Variants in SLC25A30 observed in about 807,000 individuals in gnomAD.
SLC25A30 encodes the protein solute carrier family 25 member 30, also known as kidney mitochondrial carrier protein 1.
A neutral mutation model predicts 42.7 loss-of-function variants in SLC25A30; 29 were observed. The ratio of observed to expected loss-of-function variants is 0.68; its 90% CI spans 0.51 to 0.93. The LOEUF (loss-of-function observed/expected upper bound fraction) is 0.93. Among genes scored for constraint, SLC25A30 ranks in the 40% least tolerant of loss-of-function variants. The pLI is 0.00. For synonymous variants in SLC25A30, 124 were observed against 131.0 expected (o/e 0.95, Z 0.37); for missense variants, 300 against 359.7 (o/e 0.83, Z 1.34).
At chr13:45,427,809 T>C in the SLC25A30 span, among the ~76,000 whole-genome samples, 5 of 143,240 alleles carry the variant, frequency 3.5e-5, no homozygotes, top group Admixed American at 2.1e-4. Context: ...AGTGGTGCCA[T>C]CTCGGCTCAC....
At chr13:45,411,683 T>C (rs1172102015) in intron 1 of SLC25A30, 1 of 480,350 alleles carries the variant, frequency 2.1e-6, no homozygotes, top group South Asian at 2.1e-5. Context: ...ACTTTATCAG[T>C]GATCTTAATT....
chr13:45,404,444 A>C lies in SLC25A30; in HGVS notation c.308-32T>G, dbSNP rs74481952. On this transcript the variant is annotated intron_variant, in intron 4 of 9. Coordinates refer to ENST00000519676, the MANE Select transcript of SLC25A30 (RefSeq NM_001010875.4). ...ACAATGACACATTATTTGACTCTAC[A>C]TATTTAGAGTTCTTCCCGTGAGAAA... The C allele has an allele frequency of 1.4e-4, 205 of 1,485,738 alleles. No homozygotes were observed. In the African/African-American group the frequency reaches 2.3e-3, roughly 17 times the overall value. 92.0% of individuals were successfully genotyped at this position (1,485,738 alleles called of 1,614,324 possible).
chr13:45,394,470 G>A lies in SLC25A30; in HGVS notation c.*1504C>T, dbSNP rs1881171155. 3 of 985,390 alleles carry A rather than the reference G, an allele frequency of 3.0e-6. No homozygotes were observed. Among genetic ancestry groups the A allele is most frequent in the Non-Finnish European group, 3.6e-6 (3 of 829,946 alleles). The allele number at this position is 985,390 out of a possible 1,614,324, so 61.0% of individuals were successfully genotyped here. ...GAATTTGGCCGCACTACTGTGGAAGGAGAATGCCCTGGAGCCCCAGCTAAC... is the reference window on the plus strand; with the variant it reads ...GAATTTGGCCGCACTACTGTGGAAGAAGAATGCCCTGGAGCCCCAGCTAAC... On this transcript the variant is annotated 3_prime_UTR_variant, in exon 10 of 10. Coordinates refer to ENST00000519676, the MANE Select transcript of SLC25A30 (RefSeq NM_001010875.4).
chr13:45,393,983 T>C lies in SLC25A30; in HGVS notation c.*1991A>G, dbSNP rs570091668. The C allele has an allele frequency of 1.3e-5, 13 of 984,668 alleles. No individual in the cohort carries two copies. In the Admixed American group the frequency reaches 4.9e-4, roughly 37 times the overall value. The allele number at this position is 984,668 out of a possible 1,614,324, so 61.0% of individuals were successfully genotyped here. A position where few individuals can be genotyped will look rare whatever the true frequency, so the allele number is the denominator to read the frequency against. ...GTATGCATATTTGAAAAAGTAAAAT[T>C]TTTCTACATTAAAAAAAGAGCATTT... On this transcript the variant is annotated 3_prime_UTR_variant, in exon 10 of 10. Coordinates refer to ENST00000519676, the MANE Select transcript of SLC25A30 (RefSeq NM_001010875.4).
At position 45,411,387 on chromosome 13, in the gene SLC25A30, C is replaced by G; in HGVS notation, c.39G>C (p.Gly13=). The change falls in exon 2 of 10, where the codon GGG becomes GGC. Residue 13 remains glycine, a synonymous_variant. Coordinates refer to ENST00000519676, the MANE Select transcript of SLC25A30 (RefSeq NM_001010875.4). ...CGCACTCAGCAGTGATGGAGGCCAG[C>G]CCCCCGTACACAAACGGCTTCCAGT... is the stretch of plus-strand genomic sequence containing the variant. The part of the protein sequence containing the change: ...ALNWKPFVYG[G]LASITAECGT... 1 of 1,613,984 alleles carries G rather than the reference C, an allele frequency of 6.2e-7. No homozygotes were observed. The highest frequency in any genetic ancestry group is 8.5e-7 in the Non-Finnish European group (1 of 1,179,868).
At chr13:45,410,716 G>C (rs1326047417) in intron 2 of SLC25A30, among the ~76,000 whole-genome samples, 1 of 152,282 alleles carries the variant, frequency 6.6e-6, no homozygotes, top group Middle Eastern at 3.4e-3. Flanking sequence ...GGAGACCCGG[G>C]TGGGAGGACC....
the SLC25A30 span, among the ~76,000 whole-genome samples, chr13:45,427,953 G>A: frequency 6.6e-6 from 1 of 151,940 alleles, no homozygotes; most frequent in Non-Finnish European, 1.5e-5. Flanking sequence ...ATGTTGGCCA[G>A]GCTGGTCTTG....
intron 9 of SLC25A30, 80 bp from the exon 10 acceptor site, chr13:45,396,095 C>G (rs1041342107): frequency 6.2e-7 from 1 of 1,613,404 alleles, no homozygotes; most frequent in Non-Finnish European, 8.5e-7. Context: ...ACAAATGGCA[C>G]ACTTAATAAC....
intron 6 of SLC25A30, 56 bp from the exon 7 acceptor site, chr13:45,401,263 C>T (rs1404873069): frequency 7.0e-6 from 11 of 1,568,940 alleles, no homozygotes; most frequent in East Asian, 2.2e-5. Flanking sequence ...TAGAACAAGC[C>T]TTGCAAATGT....
the SLC25A30 span, among the ~76,000 whole-genome samples, chr13:45,425,688 A>G: frequency 2.3e-5 from 3 of 133,308 alleles, no homozygotes; most frequent in South Asian, 2.2e-4. Flanking sequence ...ATATAAATAT[A>G]TATACACACA....
chr13:45,397,325 T>G lies in SLC25A30; in HGVS notation c.767A>C (p.Glu256Ala), dbSNP rs1182043817. The change falls in exon 9 of 10, where the codon GAA (glutamate) becomes GCA (alanine). Residue 256 changes from glutamate (E) to alanine (A), a missense_variant. Coordinates refer to ENST00000519676, the MANE Select transcript of SLC25A30 (RefSeq NM_001010875.4). ...GCCTTTATAGAGAGCAAAAAACCCT[T>G]CATTCTTCCATGTCTGTTAAAAGAA... is the stretch of plus-strand genomic sequence containing the variant. ...LDCLLQTWKN[E>A]GFFALYKGFW... 1 of 1,610,088 alleles carries G rather than the reference T, an allele frequency of 6.2e-7. No individual in the cohort carries two copies. The highest frequency in any genetic ancestry group is 1.3e-5 in the African/African-American group (1 of 74,806).
At chr13:45,397,050 A>G (rs949932092) in intron 9 of SLC25A30, 2 of 538,192 alleles carry the variant, frequency 3.7e-6, no homozygotes, top group East Asian at 3.3e-5. Context: ...CTACTTTTGA[A>G]TAATACCACC....
chr13:45,413,640 C>T (rs866124057), intron 1 of SLC25A30, among the ~76,000 whole-genome samples: 1 of 152,222 alleles, frequency 6.6e-6, no homozygotes, highest in South Asian at 2.1e-4. Context: ...CTGCAACCTC[C>T]ACCTCCCAGG....
rs933697444 is a variant in SLC25A30, at chr13:45,394,142, T to C, written c.*1832A>G. ...GTAGTTTAGAACAAGCAGCAAGGCC[T>C]GAATGAGCTCTGGGGTCCTCTGCTG... is the stretch of plus-strand genomic sequence containing the variant. On this transcript the variant is annotated 3_prime_UTR_variant, in exon 10 of 10. Coordinates refer to ENST00000519676, the MANE Select transcript of SLC25A30 (RefSeq NM_001010875.4). 3.0e-6 allele frequency: 3 copies of C among 985,270 alleles called. No homozygotes were observed. Among genetic ancestry groups the C allele is most frequent in the Non-Finnish European group, 3.6e-6 (3 of 829,934 alleles). The allele number at this position is 985,270 out of a possible 1,614,324, so 61.0% of individuals were successfully genotyped here.
chr13:45,425,884 G>A, the SLC25A30 span, among the ~76,000 whole-genome samples: 2 of 146,404 alleles, frequency 1.4e-5, no homozygotes, highest in East Asian at 3.9e-4. Flanking sequence ...GTGGAGACAG[G>A]GTTTCATCAT....
chr13:45,423,455 A>G (rs977888820), upstream of SLC25A30, among the ~76,000 whole-genome samples: 2 of 144,446 alleles, frequency 1.4e-5, no homozygotes, highest in African/African-American at 5.2e-5. Context: ...ATTATGGTCC[A>G]TGGACCAATT....
chr13:45,399,301 G>T (rs1881692197), intron 7 of SLC25A30, among the ~76,000 whole-genome samples: 1 of 152,182 alleles, frequency 6.6e-6, no homozygotes, highest in African/African-American at 2.4e-5. Flanking sequence ...TGCCTCCCAA[G>T]TTCAAGCGAT....
chr13:45,423,678 T>TTATATAAATATATAAAAATAGATAAAAA, the SLC25A30 span, among the ~76,000 whole-genome samples: 1 of 19,674 alleles, frequency 5.1e-5, no homozygotes, highest in African/African-American at 4.5e-4. Flanking sequence ...AAATACATAT[T>TTATATAAATATATAAAAATAGATAAAAA]TATATAAATA....
chr13:45,422,689 T>C (rs1883918408), upstream of SLC25A30, among the ~76,000 whole-genome samples: 1 of 152,152 alleles, frequency 6.6e-6, no homozygotes, highest in Admixed American at 6.6e-5. Context: ...TCCTGTTTTA[T>C]AGGAATGTTG....
Sources: gnomAD v4.1 joint callset for allele counts (sites outside exome capture counted in the v4.1 genomes callset) on GRCh38, gnomAD v4.1.1 for gene constraint, MANE v1.5 for transcripts, NCBI Gene and HGNC (gene_info 2026-07-23, HGNC 2026-07-21) for gene names.